FUBP3: variants seen among roughly 807,000 people sequenced by gnomAD.
FUBP3 encodes the protein far upstream element binding protein 3, also known as far upstream element-binding protein 3.
FUBP3 carries 28 observed loss-of-function variants against 85.6 expected under a neutral mutation model. That is an observed-to-expected ratio of 0.33 (90% CI 0.24 to 0.45). The LOEUF is 0.45. FUBP3 is among the 20% of genes least tolerant of loss of function. FUBP3 has a pLI of 1.00. For synonymous variants in FUBP3, 271 were observed against 271.4 expected, an observed-to-expected ratio of 1.00 and a Z score of 0.01; for missense variants, 583 against 755.1, an observed-to-expected ratio of 0.77 and a Z score of 2.67.
chr9:130,603,872 C>T (rs772391377), intron 2 of FUBP3, among the ~76,000 whole-genome samples: 8 of 152,170 alleles, frequency 5.3e-5, no homozygotes, highest in African/African-American at 7.2e-5. Flanking sequence ...CATGCACTTA[C>T]GCACAGTCCA....
chr9:130,594,937 T>G (rs2119025104), intron 1 of FUBP3, among the ~76,000 whole-genome samples: 1 of 149,946 alleles, frequency 6.7e-6, no homozygotes, highest in African/African-American at 2.5e-5. Context: ...TTAAAAATAC[T>G]AATTTGCGGC....
chr9:130,634,973 T>C (rs1341061169), intron 17 of FUBP3, among the ~76,000 whole-genome samples: 1 of 152,144 alleles, frequency 6.6e-6, no homozygotes, highest in Non-Finnish European at 1.5e-5. Flanking sequence ...CCCTCCTCTT[T>C]ATTCTCCCCG....
chr9:130,624,609 TTGTGTGTGTGTGTGTG>T lies in FUBP3; in HGVS notation c.975+926_975+941del, dbSNP rs138986229. Among the ~76,000 whole-genome samples, 672 of 143,974 alleles carry T rather than the reference TTGTGTGTGTGTGTGTG, an allele frequency of 4.7e-3. 4 individuals carry two copies. Among genetic ancestry groups the T allele is most frequent in the Middle Eastern group, 0.011 (3 of 284 alleles). The allele number at this position is 143,974 out of a possible 152,430, so 94.5% of individuals were successfully genotyped here. On this transcript the variant is annotated intron_variant, in intron 11 of 18. Transcript: ENST00000319725. ...AACTTTCTTAAAATGTTACAAGATT[TTGTGTGTGTGTGTGTG>T]TGTGTGTGTGTGTGTGTGTGTGTGT... is the stretch of plus-strand genomic sequence containing the variant.
chr9:130,605,462 G>A (rs1263195306), intron 2 of FUBP3, among the ~76,000 whole-genome samples: 1 of 152,268 alleles, frequency 6.6e-6, no homozygotes, highest in South Asian at 2.1e-4. Context: ...TACAGAGTTT[G>A]CATGGGCACA....
At chr9:130,600,867 T>C (rs1206043875) in intron 2 of FUBP3, among the ~76,000 whole-genome samples, 2 of 151,958 alleles carry the variant, frequency 1.3e-5, no homozygotes, top group Non-Finnish European at 2.9e-5. Context: ...CCCCAGCTAC[T>C]CAGGAGGCTG....
At chr9:130,592,029 C>T (rs531842832) in intron 1 of FUBP3, among the ~76,000 whole-genome samples, 62 of 152,184 alleles carry the variant, frequency 4.1e-4, no homozygotes, top group African/African-American at 1.4e-3. Context: ...GTCAGGAGTT[C>T]GAGACCAGCC....
In FUBP3 at chr9:130,616,077, C is replaced by T. The variant is rs1831993174; in HGVS notation, c.405-278C>T. Among the ~76,000 whole-genome samples, 1 of 152,336 alleles carries T rather than the reference C, an allele frequency of 6.6e-6. No homozygotes were observed. The highest frequency in any genetic ancestry group is 1.5e-5 in the Non-Finnish European group (1 of 68,034). The stretch of plus-strand genomic sequence containing the variant: ...CTGGCATCCTAATAGGAGACGACAC[C>T]TTTGTGGAGACACAAGCATGAGCAG... On this transcript the variant is annotated intron_variant, in intron 6 of 18. Transcript: ENST00000319725. The surrounding 1 kb of genome is among the most constrained non-coding windows in gnomAD (Gnocchi z 4.7).
chr9:130,625,389 A>G (rs1243254338), intron 11 of FUBP3, among the ~76,000 whole-genome samples: 2 of 152,240 alleles, frequency 1.3e-5, no homozygotes, highest in Non-Finnish European at 2.9e-5. Flanking sequence ...GTGCGGGGGA[A>G]AAGCACTCCA....
chr9:130,626,595 C>A, intron 12 of FUBP3, 90 bp downstream of exon 12: 1 of 1,341,420 alleles, frequency 7.5e-7, no homozygotes, highest in Non-Finnish European at 1.0e-6. Context: ...TTGGTGAGGT[C>A]CCTTTGCTGC....
chr9:130,622,424 G>T (rs2119098426), intron 9 of FUBP3, among the ~76,000 whole-genome samples: 1 of 152,082 alleles, frequency 6.6e-6, no homozygotes, highest in Non-Finnish European at 1.5e-5. Context: ...CTGAGGTCTG[G>T]AGTTCAAGAC....
In FUBP3 at chr9:130,617,931, G is replaced by A. The variant is rs550539391; in HGVS notation, c.666+36G>A. On this transcript the variant is annotated intron_variant, in intron 8 of 18. Coordinates refer to ENST00000319725, the MANE Select transcript of FUBP3 (RefSeq NM_003934.2). ...GCCATGGGTTGGGTGAGTCCTGGCT[G>A]TTGGGGCTATCACTCGGTGGTACCC... The A allele has an allele frequency of 8.1e-6, 8 of 985,444 alleles. No homozygotes were observed. In the African/African-American group the frequency reaches 1.3e-4, roughly 16 times the overall value. 61.0% of individuals were successfully genotyped at this position (985,444 alleles called of 1,614,324 possible).
chr9:130,598,075 G>A lies in FUBP3; in HGVS notation c.190+2487G>A, dbSNP rs143687256. Among the ~76,000 whole-genome samples, 314 of 152,336 alleles carry A rather than the reference G, an allele frequency of 2.1e-3. 1 individual carries two copies. Among genetic ancestry groups the A allele is most frequent in the African/African-American group, 7.1e-3 (296 of 41,580 alleles). ...GAAAATACGCAATATAAATGAACCC[G>A]AGGTTTTAAGTGAGATTCTGGACCT... On this transcript the variant is annotated intron_variant, in intron 2 of 18. Coordinates refer to ENST00000319725, the MANE Select transcript of FUBP3 (RefSeq NM_003934.2).
In FUBP3 at chr9:130,616,301, A is replaced by G. The variant is rs538367507; in HGVS notation, c.405-54A>G. 19 of 1,571,034 alleles carry G rather than the reference A, an allele frequency of 1.2e-5. No individual in the cohort carries two copies. The African/African-American group carries it at 2.2e-4, about 18-fold the overall frequency. On this transcript the variant is annotated intron_variant, in intron 6 of 18. Transcript: ENST00000319725. The surrounding 1 kb of genome is among the most constrained non-coding windows in gnomAD (Gnocchi z 4.7). ...TCAGTGCTATTTCCCTGTCTTGCAC[A>G]CTTAGAGCCTCCATTTAATGCTGGT...
At chr9:130,587,197 TG>T (rs950789348) in intron 1 of FUBP3, among the ~76,000 whole-genome samples, 4 of 151,970 alleles carry the variant, frequency 2.6e-5, no homozygotes, top group Non-Finnish European at 4.4e-5. Context: ...CCCAAGTAGC[TG>T]GGACTGCAGG....
intron 12 of FUBP3, among the ~76,000 whole-genome samples, chr9:130,628,838 T>TTC (rs1830098150): frequency 3.3e-5 from 5 of 152,158 alleles, no homozygotes; most frequent in Non-Finnish European, 7.4e-5. Context: ...GGCGTGATCA[T>TTC]GGCTCACTGC....
intron 1 of FUBP3, among the ~76,000 whole-genome samples, chr9:130,582,559 A>G (rs928373347): frequency 1.5e-4 from 23 of 152,214 alleles, no homozygotes; most frequent in African/African-American, 5.3e-4. Flanking sequence ...ACTTTTCCCA[A>G]GTCATTGGCT....
rs1480218470 is a variant in FUBP3, at chr9:130,634,564, G to C, written c.1511-103G>C. On this transcript the variant is annotated intron_variant, in intron 16 of 18. Coordinates refer to ENST00000319725, the MANE Select transcript of FUBP3 (RefSeq NM_003934.2). ...AGGGCTGCGGAGCCGTGTGTGGCCA[G>C]GAGCGAGGTGGAGGAGTGCAGGGCA... The C allele has an allele frequency of 3.5e-6, 3 of 861,924 alleles. No individual in the cohort carries two copies. The East Asian group carries it at 7.9e-5, about 23-fold the overall frequency. 53.4% of individuals were successfully genotyped at this position (861,924 alleles called of 1,614,324 possible).
intron 1 of FUBP3, among the ~76,000 whole-genome samples, chr9:130,588,592 A>G (rs528621107): frequency 1.3e-5 from 2 of 152,156 alleles, no homozygotes; most frequent in African/African-American, 2.4e-5. Context: ...AGTGCTTTAC[A>G]TTTGTTATCT....
At chr9:130,606,237 C>T (rs773082964) in intron 2 of FUBP3, among the ~76,000 whole-genome samples, 1 of 152,080 alleles carries the variant, frequency 6.6e-6, no homozygotes, top group Non-Finnish European at 1.5e-5. Flanking sequence ...TGTTACTGAC[C>T]TGAGCTGGGG....
Sources: gnomAD v4.1 joint callset for allele counts (sites outside exome capture counted in the v4.1 genomes callset) on GRCh38, gnomAD v4.1.1 for gene constraint, Gnocchi (gnomAD v3.1) non-coding constraint, MANE v1.5 for transcripts, NCBI Gene and HGNC (gene_info 2026-07-23, HGNC 2026-07-21) for gene names.